PRKCI: variants seen among roughly 807,000 people sequenced by gnomAD.
The protein encoded by PRKCI is protein kinase C iota, also known as protein kinase C iota type.
A neutral mutation model predicts 84.0 loss-of-function variants in PRKCI; 43 were observed. The observed-to-expected ratio is 0.51, with a 90% CI of 0.40 to 0.66. The LOEUF is 0.66. Ranked by LOEUF, PRKCI falls within the 30% of genes least tolerant of loss-of-function variation. PRKCI has a pLI of 0.00. For missense variants in PRKCI, 459 were observed against 745.6 expected, an observed-to-expected ratio of 0.62 and a Z score of 4.48; for synonymous variants, 216 against 234.4, an observed-to-expected ratio of 0.92 and a Z score of 0.72.
chr3:170,289,403 C>T (rs535217813), intron 12 of PRKCI, among the ~76,000 whole-genome samples: 1 of 152,206 alleles, frequency 6.6e-6, no homozygotes, highest in African/African-American at 2.4e-5. Flanking sequence ...ATATGTTCAC[C>T]ATGCCCAGAA....
intron 17 of PRKCI, among the ~76,000 whole-genome samples, chr3:170,301,654 T>G (rs369827382): frequency 3.1e-4 from 47 of 152,300 alleles, no homozygotes; most frequent in African/African-American, 1.1e-3. Context: ...TTTTCATTAT[T>G]TCATCATTTA....
intron 1 of PRKCI, among the ~76,000 whole-genome samples, chr3:170,233,490 A>G (rs1732857917): frequency 6.6e-6 from 1 of 152,148 alleles, no homozygotes; most frequent in Non-Finnish European, 1.5e-5. Context: ...ATACGTGCAT[A>G]ATTTGTTTTA....
intron 11 of PRKCI, among the ~76,000 whole-genome samples, chr3:170,283,172 T>C (rs183518967): frequency 4.0e-4 from 61 of 152,166 alleles, no homozygotes; most frequent in African/African-American, 1.4e-3. Context: ...TACAAGACTG[T>C]AAATTGTTTA....
chr3:170,289,682 G>A (rs1262804423), intron 12 of PRKCI, among the ~76,000 whole-genome samples: 2 of 152,196 alleles, frequency 1.3e-5, no homozygotes, highest in Non-Finnish European at 2.9e-5. Context: ...GGAGGCCGAG[G>A]CGGGTGGATC....
chr3:170,237,887 A>C (rs1047849686), intron 2 of PRKCI, among the ~76,000 whole-genome samples: 4 of 152,164 alleles, frequency 2.6e-5, no homozygotes, highest in Non-Finnish European at 4.4e-5. Context: ...AGAATAGCTT[A>C]GTATGTATCC....
chr3:170,280,232 G>T lies in PRKCI; in HGVS notation c.711G>T (p.Met237Ile). 1.2e-6 allele frequency: 2 copies of T among 1,609,880 alleles called. No individual in the cohort carries two copies. The highest frequency in any genetic ancestry group is 2.2e-5 in the South Asian group (2 of 90,446). The change falls in exon 9 of 18, where the codon ATG (methionine) becomes ATT (isoleucine). Residue 237 changes from methionine (M) to isoleucine (I), a missense_variant. Coordinates refer to ENST00000295797, the MANE Select transcript of PRKCI (RefSeq NM_002740.6). The stretch of plus-strand genomic sequence containing the variant: ...GATACAAATGTTCTCAACAGGCAAT[G>T]AACACCAGGGAAAGTGGCAAAGCTT... ...LDQVGEEKEA[M>I]NTRESGKASS...
intron 2 of PRKCI, among the ~76,000 whole-genome samples, chr3:170,237,896 CCTT>C (rs1733020617): frequency 6.6e-6 from 1 of 152,060 alleles, no homozygotes; most frequent in South Asian, 2.1e-4. Flanking sequence ...TAGTATGTAT[CCTT>C]CTATATATTT....
At position 170,235,588 on chromosome 3, in the gene PRKCI, C is replaced by T. The variant is rs558568856; in HGVS notation, c.223+237C>T. On this transcript the variant is annotated intron_variant, in intron 2 of 17. Transcript: ENST00000295797. ...TGACTTTTTTTTTTTTTTTTTGAGACGGAGTCTCGCTCTATCGCCCAGGCT... is the reference window on the plus strand; with the variant it reads ...TGACTTTTTTTTTTTTTTTTTGAGATGGAGTCTCGCTCTATCGCCCAGGCT... Among the ~76,000 whole-genome samples, 50 of 136,142 alleles carry T rather than the reference C, an allele frequency of 3.7e-4. No homozygotes were observed. In the East Asian group the frequency reaches 9.6e-3, roughly 26 times the overall value. 89.3% of individuals were successfully genotyped at this position (136,142 alleles called of 152,430 possible). A position where few individuals can be genotyped will look rare whatever the true frequency, so the allele number is the denominator to read the frequency against.
intron 1 of PRKCI, among the ~76,000 whole-genome samples, chr3:170,232,630 G>A (rs117535783): frequency 9.3e-5 from 14 of 151,266 alleles, no homozygotes; most frequent in African/African-American, 3.4e-4. Flanking sequence ...CCAATGGCTC[G>A]ATCATGGCTC....
At chr3:170,250,680 T>C (rs1733422492) in intron 2 of PRKCI, among the ~76,000 whole-genome samples, 1 of 152,206 alleles carries the variant, frequency 6.6e-6, no homozygotes, top group Admixed American at 6.5e-5. Context: ...TTGGCTATTG[T>C]GAGTAATGTT....
At chr3:170,281,798 C>T in intron 10 of PRKCI, 84 bp from the exon 11 acceptor site, 3 of 1,485,508 alleles carry the variant, frequency 2.0e-6, no homozygotes, top group Non-Finnish European at 2.7e-6. Context: ...AGAGAATGCT[C>T]TCTGTTGTGA....
chr3:170,292,173 A>C (rs1734568417), intron 13 of PRKCI, among the ~76,000 whole-genome samples: 1 of 152,228 alleles, frequency 6.6e-6, no homozygotes, highest in African/African-American at 2.4e-5. Context: ...GGCAAACACT[A>C]AACAGTAGCA....
intron 2 of PRKCI, among the ~76,000 whole-genome samples, chr3:170,251,847 T>A (rs1436507861): frequency 1.3e-5 from 2 of 151,174 alleles, no homozygotes; most frequent in African/African-American, 4.9e-5. Flanking sequence ...GAAGTGGAGG[T>A]TGCAGTGAGC....
intron 2 of PRKCI, among the ~76,000 whole-genome samples, chr3:170,240,656 G>T (rs1265846234): frequency 6.6e-6 from 1 of 151,954 alleles, no homozygotes; most frequent in Non-Finnish European, 1.5e-5. Context: ...GGGGCATGTC[G>T]GTCTGATCTG....
intron 14 of PRKCI, among the ~76,000 whole-genome samples, chr3:170,294,633 A>G (rs907103487): frequency 2.0e-4 from 30 of 152,248 alleles, no homozygotes; most frequent in African/African-American, 6.8e-4. Flanking sequence ...AAAAAATTGC[A>G]TATTATATAT....
intron 11 of PRKCI, among the ~76,000 whole-genome samples, chr3:170,283,168 A>G (rs1019987969): frequency 2.6e-5 from 4 of 152,080 alleles, no homozygotes; most frequent in African/African-American, 9.7e-5. Flanking sequence ...AATATACAAG[A>G]CTGTAAATTG....
In PRKCI at chr3:170,284,449, A is replaced by G. The variant is rs1353008657; in HGVS notation, c.1068-12A>G. ...GGTTGAATCAAATGACTTATTTTTT[A>G]TTTAATTTTAGATTTTACTCTGCAG... On this transcript the variant is annotated splice_polypyrimidine_tract_variant and intron_variant, in intron 11 of 17. Transcript: ENST00000295797. The G allele has an allele frequency of 6.5e-7, 1 of 1,536,278 alleles. No individual in the cohort carries two copies. Among genetic ancestry groups the G allele is most frequent in the African/African-American group, 1.4e-5 (1 of 72,030 alleles).
At chr3:170,261,799 T>A (rs974657807) in intron 3 of PRKCI, among the ~76,000 whole-genome samples, 2 of 152,124 alleles carry the variant, frequency 1.3e-5, no homozygotes, top group Admixed American at 1.3e-4. Context: ...TTTTTCTACC[T>A]CCAGAATTTG....
intron 7 of PRKCI, among the ~76,000 whole-genome samples, chr3:170,274,648 G>A (rs1044141710): frequency 2.6e-5 from 4 of 152,146 alleles, no homozygotes; most frequent in Non-Finnish European, 4.4e-5. Flanking sequence ...GGGAAAACAA[G>A]GGAGTTTTTC....
Sources: allele counts gnomAD v4.1 joint callset (sites outside exome capture counted in the v4.1 genomes callset), GRCh38; gene constraint gnomAD v4.1.1; transcripts MANE v1.5; gene names NCBI Gene and HGNC (gene_info 2026-07-23, HGNC 2026-07-21).